The following RHCE variants were observed in gnomAD, a reference collection of about 807,000 sequenced individuals.
RHCE encodes blood group Rh(CE) polypeptide.
In RHCE, 22 loss-of-function variants were observed where a neutral mutation model predicts 43.8. The ratio of observed to expected loss-of-function variants is 0.50; its 90% CI spans 0.36 to 0.72. RHCE has a LOEUF of 0.72. Among genes scored for constraint, RHCE ranks in the 30% least tolerant of loss-of-function variants. RHCE has a pLI of 0.00. For synonymous variants in RHCE, 156 were observed against 210.7 expected, an observed-to-expected ratio of 0.74 and a Z score of 2.25; for missense variants, 385 against 525.4, an observed-to-expected ratio of 0.73 and a Z score of 2.61.
chr1:25,408,113 C>A (rs2124498715), intron 2 of RHCE, among the ~76,000 whole-genome samples: 1 of 121,740 alleles, frequency 8.2e-6, no homozygotes, highest in Admixed American at 9.0e-5. Flanking sequence ...CACAGAGAAA[C>A]CCTATCTCTA....
chr1:25,408,631 C>T, intron 2 of RHCE, 52 bp downstream of exon 2: 2 of 1,141,052 alleles, frequency 1.8e-6, no homozygotes, highest in Admixed American at 2.6e-5. Context: ...CCTGTCCTTT[C>T]GGGGTCCATT....
upstream of RHCE, among the ~76,000 whole-genome samples, chr1:25,423,950 C>T (rs1334238933): frequency 1.3e-5 from 2 of 152,162 alleles, no homozygotes; most frequent in Non-Finnish European, 2.9e-5. Flanking sequence ...AGATGGCCTC[C>T]GACGTACGGT....
chr1:25,400,385 G>A (rs910444347), intron 3 of RHCE, among the ~76,000 whole-genome samples: 1 of 151,712 alleles, frequency 6.6e-6, no homozygotes, highest in African/African-American at 2.4e-5. Flanking sequence ...CCCACCTGGG[G>A]CCCTCTCTTT....
chr1:25,371,423 T>C (rs1218905053), intron 8 of RHCE, among the ~76,000 whole-genome samples: 1 of 151,430 alleles, frequency 6.6e-6, no homozygotes, highest in African/African-American at 2.4e-5. Context: ...CAGGCTGGAG[T>C]GCAGTGGCAC....
At chr1:25,418,712 C>T (rs912753627) in intron 1 of RHCE, among the ~76,000 whole-genome samples, 3 of 152,342 alleles carry the variant, frequency 2.0e-5, no homozygotes, top group Non-Finnish European at 4.4e-5. Flanking sequence ...TTGGATGACC[C>T]GCCTTTGTCC....
chr1:25,429,374 C>G (rs946317042), intron 1 of RHCE, among the ~76,000 whole-genome samples: 5 of 151,768 alleles, frequency 3.3e-5, no homozygotes, highest in Non-Finnish European at 7.4e-5. Context: ...GGATGGTCTC[C>G]GATCTCCTGA....
chr1:25,372,640 T>C (rs577260964), intron 8 of RHCE, among the ~76,000 whole-genome samples: 4 of 151,748 alleles, frequency 2.6e-5, no homozygotes, highest in African/African-American at 7.3e-5. Flanking sequence ...CTAATCTACC[T>C]GGGCTGAGAA....
intron 6 of RHCE, among the ~76,000 whole-genome samples, chr1:25,386,878 C>A (rs1646187994): frequency 7.2e-6 from 1 of 139,252 alleles, no homozygotes; most frequent in South Asian, 2.3e-4. Flanking sequence ...CACACACACA[C>A]AAATTAGCCA....
chr1:25,412,217 T>C (rs1216607062), intron 1 of RHCE, among the ~76,000 whole-genome samples: 1 of 152,256 alleles, frequency 6.6e-6, no homozygotes, highest in Non-Finnish European at 1.5e-5. Context: ...AGGCTGTCTC[T>C]AGCTCTTTCT....
intron 7 of RHCE, among the ~76,000 whole-genome samples, chr1:25,376,972 G>C (rs1012498281): frequency 5.9e-5 from 9 of 152,008 alleles, no homozygotes; most frequent in Non-Finnish European, 1.3e-4. Context: ...CCACCCTGCT[G>C]CTCTTGTAGG....
chr1:25,429,446 C>T (rs982806461), intron 1 of RHCE, among the ~76,000 whole-genome samples: 2 of 152,132 alleles, frequency 1.3e-5, no homozygotes, highest in African/African-American at 4.8e-5. Flanking sequence ...AGCCACCGCG[C>T]CCAGCCCTTC....
chr1:25,401,999 C>A (rs1646762515), intron 3 of RHCE, among the ~76,000 whole-genome samples: 1 of 152,114 alleles, frequency 6.6e-6, no homozygotes, highest in African/African-American at 2.4e-5. Context: ...GCCTCAGCCT[C>A]CTGAGTAGCT....
intron 3 of RHCE, among the ~76,000 whole-genome samples, chr1:25,399,729 A>G (rs1007234906): frequency 1.3e-5 from 2 of 152,180 alleles, no homozygotes; most frequent in Admixed American, 1.3e-4. Flanking sequence ...CTGATATCTC[A>G]TATTATAAAT....
chr1:25,405,391 G>A (rs879632380), intron 2 of RHCE, among the ~76,000 whole-genome samples: 1 of 152,148 alleles, frequency 6.6e-6, no homozygotes, highest in Non-Finnish European at 1.5e-5. Context: ...AGTGGCTCAC[G>A]CCTGTAATCC....
intron 1 of RHCE, among the ~76,000 whole-genome samples, chr1:25,416,063 G>T (rs1647394461): frequency 6.6e-6 from 1 of 151,158 alleles, no homozygotes; most frequent in Non-Finnish European, 1.5e-5. Context: ...ACTTTGTGAA[G>T]TTTTCAATTC....
intron 1 of RHCE, chr1:25,411,490 G>A: frequency 6.5e-7 from 1 of 1,535,888 alleles, no homozygotes; most frequent in Non-Finnish European, 8.8e-7. Context: ...TGCCAGAGAG[G>A]ACAAGGGAGG....
At chr1:25,428,411 A>C (rs2042820857) in intron 2 of RHCE, among the ~76,000 whole-genome samples, 1 of 152,196 alleles carries the variant, frequency 6.6e-6, no homozygotes, top group Admixed American at 6.5e-5. Flanking sequence ...TGGCAGCTGA[A>C]GGCTTTTTTC....
At chr1:25,366,387 C>CT (rs1318382912) in intron 9 of RHCE, among the ~76,000 whole-genome samples, 2 of 6,842 alleles carry the variant, frequency 2.9e-4, no homozygotes, top group Middle Eastern at 0.028. Flanking sequence ...GAGATACTTA[C>CT]TTTTTTTTTC....
In RHCE at chr1:25,373,130, A is replaced by G. The variant is rs553080222; in HGVS notation, c.1153+2219T>C. 3.3e-5 allele frequency among the ~76,000 whole-genome samples: 5 copies of G among 151,816 alleles called. 1 individual carries two copies. In the South Asian group the frequency reaches 8.3e-4, roughly 25 times the overall value. On this transcript the variant is annotated intron_variant, in intron 8 of 9. Transcript: ENST00000294413. The stretch of plus-strand genomic sequence containing the variant: ...TCACCAGTTTGCTCATGTCAAAAAC[A>G]ACATGTAAAGAAGAAAGCTTGTTGG...
Sources: allele counts gnomAD v4.1 joint callset (sites outside exome capture counted in the v4.1 genomes callset), GRCh38; gene constraint gnomAD v4.1.1; transcripts MANE v1.5; gene names NCBI Gene and HGNC (gene_info 2026-07-23, HGNC 2026-07-21).